SYNPO2: variants seen among roughly 807,000 people sequenced by gnomAD.
SYNPO2 encodes the protein synaptopodin 2.
In SYNPO2, 56 loss-of-function variants were observed where a neutral mutation model predicts 85.0. That is an observed-to-expected ratio of 0.66 (90% confidence interval 0.53 to 0.82). The LOEUF (loss-of-function observed/expected upper bound fraction) is 0.82. Among genes scored for constraint, SYNPO2 ranks in the 40% least tolerant of loss-of-function variants. SYNPO2 has a pLI of 0.00. For synonymous variants in SYNPO2, 602 were observed against 591.1 expected (o/e 1.02, Z -0.27); for missense variants, 1,575 against 1,534.2 (o/e 1.03, Z -0.44).
rs560135356 is a variant in SYNPO2 at position 118,874,140 on chromosome 4, C to T, written c.12+23200C>T. On this transcript the variant is annotated intron_variant, in intron 1 of 4. Transcript: ENST00000610556. ...ATAGCCTTGTAGTATAATTTGAAGT[C>T]AGGTAATGTTATGTTATTAGACATT... Among the ~76,000 whole-genome samples, 368 of 152,272 alleles carry T rather than the reference C, an allele frequency of 2.4e-3. 2 individuals carry two copies. The highest frequency in any genetic ancestry group is 0.017 in the Middle Eastern group (5 of 294).
chr4:119,005,820 T>A (rs1993609), intron 1 of SYNPO2, among the ~76,000 whole-genome samples: 36,571 of 152,164 alleles, frequency 0.24, 5,142 homozygotes, highest in Non-Finnish European at 0.31. Context: ...AAACAGTATG[T>A]GCAATCAGTT....
chr4:118,934,322 T>C (rs1351278909), intron 1 of SYNPO2, among the ~76,000 whole-genome samples: 1 of 152,200 alleles, frequency 6.6e-6, no homozygotes, highest in Non-Finnish European at 1.5e-5. Flanking sequence ...TCTTTCTCTC[T>C]TCAATTCTTT....
chr4:118,888,456 T>C (rs537473625), upstream of SYNPO2, among the ~76,000 whole-genome samples: 1 of 152,346 alleles, frequency 6.6e-6, no homozygotes, highest in South Asian at 2.1e-4. Flanking sequence ...CTTTTTTGTC[T>C]ATTCCATTCA....
intron 1 of SYNPO2, among the ~76,000 whole-genome samples, chr4:118,875,321 AT>A (rs751461250): frequency 6.6e-6 from 1 of 151,932 alleles, no homozygotes. Context: ...TTTTTTCTCT[AT>A]TTTTTTGGTT....
At chr4:118,899,530 T>G (rs955329971) in intron 1 of SYNPO2, among the ~76,000 whole-genome samples, 2 of 152,218 alleles carry the variant, frequency 1.3e-5, no homozygotes, top group African/African-American at 4.8e-5. Context: ...GTTTAAAGAC[T>G]GTCAAAGCTG....
intron 1 of SYNPO2, among the ~76,000 whole-genome samples, chr4:118,929,464 G>A (rs1733846460): frequency 6.6e-6 from 1 of 151,768 alleles, no homozygotes; most frequent in Non-Finnish European, 1.5e-5. Context: ...ATCTCATTTT[G>A]ACTATTTATT....
chr4:118,913,562 T>TG (rs1733209518), intron 1 of SYNPO2, among the ~76,000 whole-genome samples: 2 of 116,098 alleles, frequency 1.7e-5, no homozygotes, highest in South Asian at 3.0e-4. Flanking sequence ...TCATTTATTG[T>TG]TTGTGTGTGT....
At chr4:119,049,484 T>C (rs192517965) in intron 4 of SYNPO2, among the ~76,000 whole-genome samples, 2 of 152,312 alleles carry the variant, frequency 1.3e-5, no homozygotes, top group East Asian at 3.9e-4. Flanking sequence ...GCCAAGAGAA[T>C]TGTATCACTT....
chr4:118,883,868 C>T (rs1053618662), upstream of SYNPO2, among the ~76,000 whole-genome samples: 1 of 152,102 alleles, frequency 6.6e-6, no homozygotes, highest in Admixed American at 6.6e-5. Flanking sequence ...TCTTTACAGG[C>T]TACTAAATTA....
At chr4:119,027,733 G>A (rs930070164) in intron 3 of SYNPO2, among the ~76,000 whole-genome samples, 4 of 152,106 alleles carry the variant, frequency 2.6e-5, no homozygotes, top group African/African-American at 9.7e-5. Context: ...TGTTCATTTT[G>A]TTTCAGACAG....
intron 1 of SYNPO2, among the ~76,000 whole-genome samples, chr4:118,943,452 A>G (rs1734389215): frequency 1.3e-5 from 2 of 152,238 alleles, no homozygotes; most frequent in East Asian, 1.9e-4. Flanking sequence ...GTATGACTAA[A>G]TTAACATAAG....
At chr4:119,002,042 G>T (rs1054450300) in intron 1 of SYNPO2, among the ~76,000 whole-genome samples, 1 of 152,154 alleles carries the variant, frequency 6.6e-6, no homozygotes, top group African/African-American at 2.4e-5. Flanking sequence ...ATTATATTTT[G>T]ATTGAATCAC....
At chr4:118,914,601 G>A (rs1200731950) in intron 1 of SYNPO2, among the ~76,000 whole-genome samples, 1 of 152,024 alleles carries the variant, frequency 6.6e-6, no homozygotes, top group Non-Finnish European at 1.5e-5. Context: ...GGGTTTTTTT[G>A]TGATATTTCT....
exon 1 of SYNPO2, chr4:118,850,788 C>A: frequency 2.5e-6 from 1 of 398,596 alleles, no homozygotes; most frequent in East Asian, 3.6e-5. Flanking sequence ...AAGCTCCAAT[C>A]TTGAGGATGG....
chr4:118,931,084 C>A (rs1037890032), intron 1 of SYNPO2, among the ~76,000 whole-genome samples: 1 of 151,874 alleles, frequency 6.6e-6, no homozygotes. Flanking sequence ...ATTATGTTAA[C>A]TGAGATGTGA....
Position 119,058,969 on chromosome 4 carries a change from G to A in SYNPO2, c.*1035G>A, listed in dbSNP as rs1034525340. On this transcript the variant is annotated 3_prime_UTR_variant, in exon 5 of 5. Coordinates refer to ENST00000307142, the MANE Select transcript of SYNPO2 (RefSeq NM_133477.3). ...TGCCTGTGACAGGAATAGATTCTGGGTTCAGGGGTCCCCATCTGTCAAATG... is the reference window on the plus strand; with the variant it reads ...TGCCTGTGACAGGAATAGATTCTGGATTCAGGGGTCCCCATCTGTCAAATG... The A allele has an allele frequency of 2.0e-5, 3 of 152,180 alleles. No homozygotes were observed. Among genetic ancestry groups the A allele is most frequent in the African/African-American group, 7.2e-5 (3 of 41,434 alleles). The allele number at this position is 152,180 out of a possible 1,614,324, so 9.4% of individuals were successfully genotyped here. A position where few individuals can be genotyped will look rare whatever the true frequency, so the allele number is the denominator to read the frequency against.
chr4:119,051,194 T>TTTTTG (rs1487373689), intron 4 of SYNPO2, among the ~76,000 whole-genome samples: 2 of 135,962 alleles, frequency 1.5e-5, no homozygotes, highest in African/African-American at 5.5e-5. Flanking sequence ...CAATTTTTTT[T>TTTTTG]TTTTTTTTTT....
At chr4:118,900,771 C>CTATCTA (rs1732727141) in intron 1 of SYNPO2, among the ~76,000 whole-genome samples, 1 of 142,792 alleles carries the variant, frequency 7.0e-6, no homozygotes, top group Non-Finnish European at 1.5e-5. Flanking sequence ...ATCTATCTAT[C>CTATCTA]TATCTATCTA....
chr4:118,967,354 A>G (rs906858367), intron 1 of SYNPO2, among the ~76,000 whole-genome samples: 1 of 152,228 alleles, frequency 6.6e-6, no homozygotes, highest in Non-Finnish European at 1.5e-5. Context: ...TAGCTCTGAC[A>G]TTCCCTGAGA....
Sources: gnomAD v4.1 joint callset for allele counts (sites outside exome capture counted in the v4.1 genomes callset) on GRCh38, gnomAD v4.1.1 for gene constraint, MANE v1.5 for transcripts, NCBI Gene and HGNC (gene_info 2026-07-23, HGNC 2026-07-21) for gene names.